The following KLHL32 variants were observed in gnomAD, a reference collection of about 807,000 sequenced individuals.
KLHL32 encodes the protein kelch like family member 32, also known as kelch-like protein 32.
A neutral mutation model predicts 64.8 loss-of-function variants in KLHL32; 35 were observed. The ratio of observed to expected loss-of-function variants is 0.54; its 90% CI spans 0.41 to 0.72. KLHL32 has a LOEUF of 0.72. KLHL32 is among the 30% of genes least tolerant of loss of function. The pLI, the probability that KLHL32 is intolerant of heterozygous loss-of-function variation, is 0.00. For missense variants in KLHL32, 589 were observed against 768.5 expected (o/e 0.77, Z 2.76); for synonymous variants, 259 against 281.0 (o/e 0.92, Z 0.78).
At chr6:97,074,864 G>T (rs552633477) in intron 5 of KLHL32, among the ~76,000 whole-genome samples, 1 of 150,612 alleles carries the variant, frequency 6.6e-6, no homozygotes, top group African/African-American at 2.4e-5. Context: ...TCAATTAAAA[G>T]AAAATATATA....
intron 5 of KLHL32, among the ~76,000 whole-genome samples, chr6:97,077,833 A>G (rs1562311741): frequency 2.0e-5 from 3 of 152,150 alleles, no homozygotes; most frequent in Non-Finnish European, 2.9e-5. Context: ...GTTGCAATCT[A>G]TGAGAAAGAC....
chr6:97,099,171 T>G (rs1173865434), intron 6 of KLHL32, among the ~76,000 whole-genome samples: 1 of 152,212 alleles, frequency 6.6e-6, no homozygotes, highest in Non-Finnish European at 1.5e-5. Context: ...CCTTCTTCCC[T>G]CATACACCTG....
At chr6:96,902,479 G>A in the KLHL32 span, among the ~76,000 whole-genome samples, 5 of 151,530 alleles carry the variant, frequency 3.3e-5, no homozygotes, top group Admixed American at 1.3e-4. Flanking sequence ...GTTTATAGGC[G>A]TTGCATATTG....
At chr6:96,978,451 A>G (rs997705475) in intron 3 of KLHL32, among the ~76,000 whole-genome samples, 1 of 152,182 alleles carries the variant, frequency 6.6e-6, no homozygotes, top group Admixed American at 6.5e-5. Flanking sequence ...AGCTCCATCC[A>G]TGTTGCTGCA....
intron 7 of KLHL32, among the ~76,000 whole-genome samples, chr6:97,122,028 T>A (rs1798423179): frequency 1.3e-5 from 2 of 152,318 alleles, no homozygotes; most frequent in Admixed American, 1.3e-4. Flanking sequence ...GAATGAGGAA[T>A]GGGAGTTAGA....
At chr6:97,044,409 G>C (rs1048705921) in intron 4 of KLHL32, among the ~76,000 whole-genome samples, 1 of 152,000 alleles carries the variant, frequency 6.6e-6, no homozygotes, top group Non-Finnish European at 1.5e-5. Flanking sequence ...TAGTTTGCTA[G>C]TATTTTCTTG....
At chr6:96,923,429 T>A (rs1015452553), upstream of KLHL32, among the ~76,000 whole-genome samples, 2 of 152,230 alleles carry the variant, frequency 1.3e-5, no homozygotes, top group African/African-American at 4.8e-5. Context: ...AGTCAGTTGT[T>A]TGTCATTCTT....
chr6:97,101,263 T>C lies in KLHL32; in HGVS notation c.628-12520T>C, dbSNP rs534230882. On this transcript the variant is annotated intron_variant, in intron 6 of 10. Coordinates refer to ENST00000369261, the MANE Select transcript of KLHL32 (RefSeq NM_052904.4). ...CCAATGAAATGACAACATAGAAAGA[T>C]GATTCGTGTGCGTTTCTGAAAAATC... Among the ~76,000 whole-genome samples, 25 of 152,264 alleles carry C rather than the reference T, an allele frequency of 1.6e-4. No individual in the cohort carries two copies. In the South Asian group the frequency reaches 5.0e-3, roughly 30 times the overall value.
intron 3 of KLHL32, among the ~76,000 whole-genome samples, chr6:97,018,495 A>G (rs1167053919): frequency 6.6e-6 from 1 of 151,550 alleles, no homozygotes; most frequent in African/African-American, 2.4e-5. Context: ...CAGGAGGCTG[A>G]GGCAGGAGAA....
At chr6:96,932,782 G>C (rs568367646) in intron 1 of KLHL32, among the ~76,000 whole-genome samples, 1 of 151,894 alleles carries the variant, frequency 6.6e-6, no homozygotes, top group South Asian at 2.1e-4. Context: ...TGTTTCCCTG[G>C]CTGGTCTCGA....
chr6:97,004,725 A>G (rs1273573334), intron 3 of KLHL32, among the ~76,000 whole-genome samples: 3 of 152,100 alleles, frequency 2.0e-5, no homozygotes, highest in African/African-American at 7.2e-5. Context: ...TGCATCTATT[A>G]GGAGAATCAT....
chr6:97,133,255 T>C (rs760831), intron 10 of KLHL32, among the ~76,000 whole-genome samples: 68,538 of 152,104 alleles, frequency 0.45, 15,612 homozygotes, highest in South Asian at 0.51. Context: ...CCCTGGTGCA[T>C]CAGCATATGA....
At chr6:97,034,596 T>C (rs575634684) in intron 3 of KLHL32, among the ~76,000 whole-genome samples, 2 of 152,240 alleles carry the variant, frequency 1.3e-5, no homozygotes, top group African/African-American at 4.8e-5. Context: ...TAGATCATTT[T>C]GGGTAGTATG....
chr6:97,015,406 C>T (rs1356769573), intron 3 of KLHL32, among the ~76,000 whole-genome samples: 1 of 152,140 alleles, frequency 6.6e-6, no homozygotes, highest in African/African-American at 2.4e-5. Flanking sequence ...TACCAAAATG[C>T]TGATATGATG....
chr6:96,903,373 T>G, the KLHL32 span, among the ~76,000 whole-genome samples: 3 of 152,064 alleles, frequency 2.0e-5, no homozygotes, highest in African/African-American at 7.2e-5. Flanking sequence ...TAGAAAAGAA[T>G]AGAATAAGGA....
chr6:97,090,796 C>G (rs1226821392), intron 6 of KLHL32, among the ~76,000 whole-genome samples: 1 of 152,236 alleles, frequency 6.6e-6, no homozygotes, highest in African/African-American at 2.4e-5. Context: ...AGGAATCAAA[C>G]TCATGTCTTC....
intron 1 of KLHL32, among the ~76,000 whole-genome samples, chr6:96,950,621 T>C (rs995671564): frequency 1.6e-5 from 2 of 123,812 alleles, no homozygotes; most frequent in East Asian, 4.1e-4. Flanking sequence ...AGTGAGTGAA[T>C]GAGTGAATGA....
chr6:97,108,203 A>G (rs1415566213), intron 6 of KLHL32, among the ~76,000 whole-genome samples: 1 of 152,152 alleles, frequency 6.6e-6, no homozygotes, highest in African/African-American at 2.4e-5. Flanking sequence ...AAAATGCTGC[A>G]TGCTCCATTT....
At chr6:97,120,081 G>A (rs930483765) in intron 7 of KLHL32, among the ~76,000 whole-genome samples, 1 of 152,120 alleles carries the variant, frequency 6.6e-6, no homozygotes. Flanking sequence ...GCTGGTAAAC[G>A]CTGAGAGCAT....
Sources: allele counts gnomAD v4.1 joint callset (sites outside exome capture counted in the v4.1 genomes callset), GRCh38; gene constraint gnomAD v4.1.1; transcripts MANE v1.5; gene names NCBI Gene and HGNC (gene_info 2026-07-23, HGNC 2026-07-21).